Variants in PBLD observed in about 807,000 individuals in gnomAD.
PBLD encodes the protein phenazine biosynthesis like protein domain containing.
Under a neutral mutation model 31.3 loss-of-function variants are expected in PBLD, and 26 were observed. The ratio of observed to expected loss-of-function variants is 0.83; its 90% confidence interval spans 0.61 to 1.15. PBLD has a LOEUF of 1.15. Among genes scored for constraint, PBLD ranks in the 50% most tolerant of loss-of-function variants. The pLI is 0.00. For synonymous variants in PBLD, 114 were observed against 129.0 expected (o/e 0.88, Z 0.79); for missense variants, 307 against 351.7 (o/e 0.87, Z 1.02).
At chr10:68,315,730 G>A (rs1253513060) in intron 1 of PBLD, among the ~76,000 whole-genome samples, 1 of 152,114 alleles carries the variant, frequency 6.6e-6, no homozygotes, top group Non-Finnish European at 1.5e-5. Flanking sequence ...CTGAGACCTA[G>A]GGGTTTTGTG....
chr10:68,317,567 G>A (rs1401176043), intron 1 of PBLD, among the ~76,000 whole-genome samples: 1 of 152,060 alleles, frequency 6.6e-6, no homozygotes, highest in Non-Finnish European at 1.5e-5. Context: ...GGAGGCCAAG[G>A]AGGGCATCCC....
chr10:68,325,600 T>G (rs558633566), intron 1 of PBLD, among the ~76,000 whole-genome samples: 4 of 152,246 alleles, frequency 2.6e-5, no homozygotes, highest in African/African-American at 9.6e-5. Context: ...AGCACTACAT[T>G]GATCATCAAT....
In PBLD at chr10:68,284,307, G is replaced by A; in HGVS notation, c.755-18C>T. 2 of 1,582,558 alleles carry A rather than the reference G, an allele frequency of 1.3e-6. No individual in the cohort carries two copies. Among genetic ancestry groups the A allele is most frequent in the Non-Finnish European group, 1.7e-6 (2 of 1,152,194 alleles). On this transcript the variant is annotated intron_variant, in intron 9 of 9. Coordinates refer to ENST00000358769, the MANE Select transcript of PBLD (RefSeq NM_022129.4). The stretch of plus-strand genomic sequence containing the variant: ...CTGAAAAGCTAAAGAAAACAAACAG[G>A]TCAAATTAAGAGTATTTTCACCCTT...
At position 68,309,819 on chromosome 10, in the gene PBLD, A is replaced by AAG. The variant is rs1554859376; in HGVS notation, c.-59-2917_-59-2916insCT. Among the ~76,000 whole-genome samples the AAG allele has an allele frequency of 2.7e-4, 34 of 125,220 alleles. 1 individual carries two copies. Among genetic ancestry groups the AAG allele is most frequent in the East Asian group, 1.4e-3 (5 of 3,678 alleles). 82.1% of individuals were successfully genotyped at this position (125,220 alleles called of 152,430 possible). A position where few individuals can be genotyped will look rare whatever the true frequency, so the allele number is the denominator to read the frequency against. ...AGACTCCGTCTCAAAAAAAAAAAAA[A>AAG]AAAGAAAGAAAGAAAAAGAAAATAT... On this transcript the variant is annotated intron_variant, in intron 1 of 9. Coordinates refer to ENST00000358769, the MANE Select transcript of PBLD (RefSeq NM_022129.4).
chr10:68,322,057 A>C (rs746645995), intron 1 of PBLD, among the ~76,000 whole-genome samples: 6 of 152,196 alleles, frequency 3.9e-5, no homozygotes, highest in Admixed American at 2.6e-4. Flanking sequence ...GTAACTTTAC[A>C]GTGGAGAAAC....
At chr10:68,319,544 G>A (rs1385570528) in intron 1 of PBLD, among the ~76,000 whole-genome samples, 4 of 151,860 alleles carry the variant, frequency 2.6e-5, no homozygotes, top group Middle Eastern at 3.4e-3. Flanking sequence ...TTAGCCAGGT[G>A]TGGTGGCATC....
At chr10:68,312,080 T>C (rs1259877226) in intron 1 of PBLD, among the ~76,000 whole-genome samples, 2 of 152,234 alleles carry the variant, frequency 1.3e-5, no homozygotes, top group African/African-American at 2.4e-5. Flanking sequence ...GTATACCACA[T>C]TTTCTTTATC....
chr10:68,291,170 A>C, intron 6 of PBLD, among the ~76,000 whole-genome samples: 1 of 152,084 alleles, frequency 6.6e-6, no homozygotes, highest in Non-Finnish European at 1.5e-5. Context: ...TCTTCTCTAC[A>C]CACCAAGCCC....
chr10:68,327,768 C>T (rs567717369), intron 1 of PBLD, among the ~76,000 whole-genome samples: 1 of 151,118 alleles, frequency 6.6e-6, no homozygotes, highest in East Asian at 1.9e-4. Flanking sequence ...GTGCTTATGA[C>T]ACACTAAAAG....
intron 1 of PBLD, among the ~76,000 whole-genome samples, 185 bp downstream of exon 1, chr10:68,332,599 A>G (rs2045228548): frequency 6.6e-6 from 1 of 152,020 alleles, no homozygotes; most frequent in African/African-American, 2.4e-5. Context: ...CTAGAAGGCC[A>G]GGGGAGGGGG....
intron 1 of PBLD, among the ~76,000 whole-genome samples, chr10:68,317,463 A>G (rs1225199237): frequency 3.9e-5 from 6 of 152,126 alleles, no homozygotes; most frequent in African/African-American, 1.4e-4. Context: ...CCAAACCACA[A>G]TGAGACATCA....
chr10:68,297,063 T>TA (rs2044440288), intron 2 of PBLD, 78 bp from the exon 3 acceptor site: 1 of 1,096,564 alleles, frequency 9.1e-7, no homozygotes, highest in African/African-American at 1.6e-5. Context: ...ACCATTAACT[T>TA]AAAAAGCAGT....
intron 2 of PBLD, among the ~76,000 whole-genome samples, chr10:68,303,596 A>G (rs1387369852): frequency 7.0e-6 from 1 of 142,366 alleles, no homozygotes; most frequent in Non-Finnish European, 1.5e-5. Context: ...AAAAATAAAA[A>G]TTAAAAAATT....
chr10:68,311,751 CA>C (rs987918906), intron 1 of PBLD, among the ~76,000 whole-genome samples: 3,724 of 59,828 alleles, frequency 0.062, 40 homozygotes, highest in East Asian at 0.23. Context: ...GACCCTGCCT[CA>C]AAAAAAAAAA....
intron 2 of PBLD, among the ~76,000 whole-genome samples, chr10:68,302,866 TTA>T (rs1491511121): frequency 4.5e-4 from 30 of 66,110 alleles, no homozygotes; most frequent in East Asian, 3.0e-3. Context: ...AAATTAGAAT[TTA>T]AAAAAAAAAA....
chr10:68,307,115 C>T (rs1179913108), intron 1 of PBLD, among the ~76,000 whole-genome samples: 2 of 152,046 alleles, frequency 1.3e-5, no homozygotes, highest in African/African-American at 2.4e-5. Context: ...CTGTAACCTC[C>T]GCCTCCCCGG....
chr10:68,289,692 CAT>C lies in PBLD; in HGVS notation c.424-675_424-674del, dbSNP rs1554856851. ...ACACACACACACACACACACACACA[CAT>C]ATCTTGACCCAGGTCTGAGAAGGTC... On this transcript the variant is annotated intron_variant, in intron 6 of 9. Transcript: ENST00000358769. Among the ~76,000 whole-genome samples, 73 of 149,538 alleles carry C rather than the reference CAT, an allele frequency of 4.9e-4. No individual in the cohort carries two copies. The South Asian group carries it at 8.4e-3, about 17-fold the overall frequency.
rs1589644071 is a variant in PBLD at position 68,284,231 on chromosome 10, C to A, written c.813G>T (p.Arg271Ser). Residue 271 changes from arginine to serine, a missense_variant, in exon 10 of 10, where the codon AGG becomes AGT. Coordinates refer to ENST00000358769, the MANE Select transcript of PBLD (RefSeq NM_022129.4). ...CAGCTGCACCTCCTCTAATGTCAAC[C>A]CTTCCGTCTGGACGAAGGGAAATTC... ...ELGISLRPDGRVDIRGGAAVV... is the reference protein window; with the variant it reads ...ELGISLRPDGSVDIRGGAAVV... The A allele has an allele frequency of 6.2e-7, 1 of 1,614,104 alleles. No individual in the cohort carries two copies. The highest frequency in any genetic ancestry group is 8.5e-7 in the Non-Finnish European group (1 of 1,180,018).
intron 4 of PBLD, among the ~76,000 whole-genome samples, chr10:68,295,511 T>G (rs904271485): frequency 2.1e-5 from 3 of 141,468 alleles, no homozygotes; most frequent in South Asian, 4.5e-4. Context: ...AAAAAAAAAA[T>G]GTTTATTGAA....
Sources: gnomAD v4.1 joint callset for allele counts (sites outside exome capture counted in the v4.1 genomes callset) on GRCh38, gnomAD v4.1.1 for gene constraint, MANE v1.5 for transcripts, NCBI Gene and HGNC (gene_info 2026-07-23, HGNC 2026-07-21) for gene names.